ITGBL1: variants seen among roughly 807,000 people sequenced by gnomAD.
The protein encoded by ITGBL1 is integrin subunit beta like 1.
ITGBL1 carries 51 observed loss-of-function variants against 68.5 expected under a neutral mutation model. That is an observed-to-expected ratio of 0.74 (90% CI 0.59 to 0.94). ITGBL1 has a LOEUF of 0.94. Among genes scored for constraint, ITGBL1 ranks in the 40% least tolerant of loss-of-function variants. The pLI, the probability that ITGBL1 is intolerant of heterozygous loss-of-function variation, is 0.00. For missense variants in ITGBL1, 649 were observed against 647.4 expected (o/e 1.00, Z -0.03); for synonymous variants, 209 against 227.3 (o/e 0.92, Z 0.72).
intron 7 of ITGBL1, among the ~76,000 whole-genome samples, chr13:101,680,947 A>G (rs755739170): frequency 7.9e-5 from 12 of 152,116 alleles, no homozygotes; most frequent in Non-Finnish European, 1.8e-4. Flanking sequence ...TCAACCCCAC[A>G]TTATCTTTGC....
chr13:101,504,209 T>C (rs1207839702), intron 2 of ITGBL1, among the ~76,000 whole-genome samples: 1 of 152,190 alleles, frequency 6.6e-6, no homozygotes, highest in East Asian at 1.9e-4. Context: ...ACTTATTTTT[T>C]AAAAAGTTAA....
chr13:101,522,736 G>C (rs183177287), intron 2 of ITGBL1, among the ~76,000 whole-genome samples: 3 of 152,248 alleles, frequency 2.0e-5, no homozygotes, highest in Admixed American at 6.5e-5. Flanking sequence ...GAACAAGTCA[G>C]GGCTCTTTGT....
intron 7 of ITGBL1, among the ~76,000 whole-genome samples, chr13:101,606,575 T>C (rs2030871587): frequency 7.1e-6 from 1 of 141,024 alleles, no homozygotes; most frequent in African/African-American, 2.7e-5. Flanking sequence ...TTATTATCGA[T>C]GTTCTCCTGA....
At chr13:101,467,518 A>G (rs1046339374) in intron 2 of ITGBL1, among the ~76,000 whole-genome samples, 1 of 152,220 alleles carries the variant, frequency 6.6e-6, no homozygotes, top group African/African-American at 2.4e-5. Context: ...TCTTTGGAAA[A>G]GGAGTGCTTT....
intron 8 of ITGBL1, among the ~76,000 whole-genome samples, chr13:101,694,082 G>A (rs1261412606): frequency 4.6e-5 from 7 of 152,158 alleles, no homozygotes; most frequent in African/African-American, 1.7e-4. Flanking sequence ...TAACTAAAAT[G>A]TGGCAGACCC....
intron 2 of ITGBL1, among the ~76,000 whole-genome samples, chr13:101,540,466 T>C (rs995866098): frequency 3.9e-5 from 6 of 152,194 alleles, no homozygotes; most frequent in Admixed American, 3.9e-4. Context: ...CCTTGTAGTA[T>C]AGTTTGAAGT....
intron 6 of ITGBL1, 73 bp downstream of exon 6, chr13:101,583,429 A>AT (rs2050498272): frequency 6.5e-6 from 7 of 1,083,676 alleles, no homozygotes; most frequent in African/African-American, 1.7e-5. Flanking sequence ...AAAAAAAAAA[A>AT]GCAATTAGAA....
intron 3 of ITGBL1, among the ~76,000 whole-genome samples, chr13:101,574,208 A>G (rs2050317653): frequency 6.6e-6 from 1 of 152,072 alleles, no homozygotes; most frequent in Non-Finnish European, 1.5e-5. Flanking sequence ...ACTTCCATGA[A>G]CTGCACCTCA....
At chr13:101,513,435 T>A (rs1292462220) in intron 2 of ITGBL1, among the ~76,000 whole-genome samples, 1 of 152,096 alleles carries the variant, frequency 6.6e-6, no homozygotes, top group Non-Finnish European at 1.5e-5. Flanking sequence ...GCCTCCCAAG[T>A]GATTCCTGTG....
chr13:101,568,936 A>T (rs1269821613), intron 3 of ITGBL1, among the ~76,000 whole-genome samples: 2 of 151,324 alleles, frequency 1.3e-5, no homozygotes, highest in African/African-American at 4.9e-5. Flanking sequence ...TGTGTTCATG[A>T]TGTTCTCATC....
intron 3 of ITGBL1, among the ~76,000 whole-genome samples, chr13:101,571,823 C>A (rs1218067368): frequency 6.6e-6 from 1 of 152,098 alleles, no homozygotes; most frequent in African/African-American, 2.4e-5. Flanking sequence ...CAAATCAGTT[C>A]ATAGAAATCC....
Position 101,565,359 on chromosome 13 carries a change from C to T in ITGBL1, c.317-2340C>T, listed in dbSNP as rs567383306. ...ATATATTTATCTTTAAACAAGGTTA[C>T]ACAGGCTATTTGATAATTCTTGACA... On this transcript the variant is annotated intron_variant, in intron 2 of 10. Coordinates refer to ENST00000376180, the MANE Select transcript of ITGBL1 (RefSeq NM_004791.3). Among the ~76,000 whole-genome samples the T allele has an allele frequency of 1.4e-3, 207 of 152,186 alleles. 1 individual carries two copies. The highest frequency in any genetic ancestry group is 2.6e-3 in the Non-Finnish European group (178 of 67,994).
intron 7 of ITGBL1, among the ~76,000 whole-genome samples, chr13:101,633,021 C>T (rs2032038395): frequency 1.3e-5 from 2 of 152,188 alleles, no homozygotes; most frequent in Non-Finnish European, 1.5e-5. Flanking sequence ...TCCCAAGTTC[C>T]CAGGTGATGC....
intron 10 of ITGBL1, 46 bp downstream of exon 10, chr13:101,714,597 T>C (rs761192922): frequency 6.1e-6 from 7 of 1,142,838 alleles, no homozygotes; most frequent in Non-Finnish European, 9.3e-6. Context: ...CAGTTTGTTA[T>C]AGAGCCAAGA....
chr13:101,680,126 T>C (rs559168730), intron 7 of ITGBL1, among the ~76,000 whole-genome samples: 1 of 152,344 alleles, frequency 6.6e-6, no homozygotes, highest in African/African-American at 2.4e-5. Context: ...CACTTTCAAA[T>C]GTCTGAAGGA....
intron 2 of ITGBL1, among the ~76,000 whole-genome samples, chr13:101,565,470 G>C (rs910052870): frequency 6.6e-6 from 1 of 152,064 alleles, no homozygotes; most frequent in Non-Finnish European, 1.5e-5. Context: ...AGCTTAGAAA[G>C]AATGTAAAGG....
At chr13:101,509,898 CA>C (rs2049087833) in intron 2 of ITGBL1, among the ~76,000 whole-genome samples, 1 of 142,478 alleles carries the variant, frequency 7.0e-6, no homozygotes, top group Admixed American at 7.1e-5. Context: ...GTTACTATAA[CA>C]ATTAACTTAC....
At chr13:101,583,963 G>A (rs1453809961) in intron 6 of ITGBL1, among the ~76,000 whole-genome samples, 1 of 152,194 alleles carries the variant, frequency 6.6e-6, no homozygotes, top group African/African-American at 2.4e-5. Flanking sequence ...TAGCAGAGCT[G>A]TTGACAATGA....
intron 4 of ITGBL1, among the ~76,000 whole-genome samples, chr13:101,577,593 CATTT>C (rs2050384113): frequency 6.6e-6 from 1 of 152,060 alleles, no homozygotes; most frequent in African/African-American, 2.4e-5. Context: ...GATTTTCTAT[CATTT>C]ATTAATATAG....
Sources: gnomAD v4.1 joint callset for allele counts (sites outside exome capture counted in the v4.1 genomes callset) on GRCh38, gnomAD v4.1.1 for gene constraint, MANE v1.5 for transcripts, NCBI Gene and HGNC (gene_info 2026-07-23, HGNC 2026-07-21) for gene names.